The following WDR20 variants were observed in gnomAD, a reference collection of about 807,000 sequenced individuals.
The protein encoded by WDR20 is WD repeat-containing protein 20.
In WDR20, 3 loss-of-function variants were observed where a neutral mutation model predicts 38.7. The ratio of observed to expected loss-of-function variants is 0.08; its 90% CI spans 0.04 to 0.20. The LOEUF is 0.20. WDR20 is among the 10% of genes least tolerant of loss of function. The pLI is 1.00. For synonymous variants in WDR20, 298 were observed against 285.6 expected (o/e 1.04, Z -0.44); for missense variants, 559 against 727.7 (o/e 0.77, Z 2.67).
intron 1 of WDR20, among the ~76,000 whole-genome samples, chr14:102,191,917 G>T (rs1274359173): frequency 1.3e-5 from 2 of 152,128 alleles, no homozygotes; most frequent in Admixed American, 6.5e-5. Context: ...AAAATAAAAA[G>T]AATTAATAGG....
At chr14:102,179,086 G>C (rs1406280112) in intron 1 of WDR20, 3 of 152,060 alleles carry the variant, frequency 2.0e-5, no homozygotes, top group Non-Finnish European at 4.4e-5. Context: ...GAGAATGCGT[G>C]TGCCTGTGTG....
intron 1 of WDR20, among the ~76,000 whole-genome samples, chr14:102,155,937 A>ATTT (rs372247826): frequency 3.8e-5 from 5 of 133,286 alleles, no homozygotes; most frequent in East Asian, 2.2e-4. Context: ...CTAATTTTTA[A>ATTT]TTTTTTTTTT....
intron 1 of WDR20, among the ~76,000 whole-genome samples, chr14:102,172,821 GC>G (rs1165901921): frequency 6.7e-6 from 1 of 150,278 alleles, no homozygotes; most frequent in Admixed American, 6.6e-5. Context: ...AGACGGGGCG[GC>G]TGCCGGGCGG....
chr14:102,164,243 G>C (rs1394107636), intron 1 of WDR20, among the ~76,000 whole-genome samples: 1 of 152,054 alleles, frequency 6.6e-6, no homozygotes, highest in Admixed American at 6.5e-5. Flanking sequence ...GCCATATATT[G>C]ACTTCCCAGC....
chr14:102,199,013 G>A (rs187708290), intron 2 of WDR20, among the ~76,000 whole-genome samples: 65 of 152,222 alleles, frequency 4.3e-4, no homozygotes, highest in African/African-American at 1.5e-3. Flanking sequence ...TTAGATGAAA[G>A]GTTCTTTGGA....
downstream of WDR20, chr14:102,213,444 C>A: frequency 1.0e-6 from 1 of 985,416 alleles, no homozygotes; most frequent in Non-Finnish European, 1.2e-6. Flanking sequence ...TTCCTGTGAA[C>A]CCTTAGCTGG....
At chr14:102,177,717 A>G (rs1156748309) in intron 1 of WDR20, among the ~76,000 whole-genome samples, 5 of 152,170 alleles carry the variant, frequency 3.3e-5, no homozygotes, top group African/African-American at 1.2e-4. Flanking sequence ...GGTGGTCTGG[A>G]AAGTCTTCAG....
At chr14:102,178,106 AT>A in intron 1 of WDR20, among the ~76,000 whole-genome samples, 1 of 152,218 alleles carries the variant, frequency 6.6e-6, no homozygotes, top group South Asian at 2.1e-4. Context: ...TTGAATTGTT[AT>A]GTGGCTAGGT....
rs1485480511 is a variant in WDR20 at position 102,171,731 on chromosome 14, A to T, written c.250-23207A>T. 3.3e-5 allele frequency among the ~76,000 whole-genome samples: 5 copies of T among 151,762 alleles called. 1 individual carries two copies. Among genetic ancestry groups the T allele is most frequent in the African/African-American group, 1.2e-4 (5 of 41,390 alleles). ...AAAAATAACGGTGGAAATACAGCCTATTGGGGAGTATTGTGTTAAAACAAA... is the reference window on the plus strand; with the variant it reads ...AAAAATAACGGTGGAAATACAGCCTTTTGGGGAGTATTGTGTTAAAACAAA... On this transcript the variant is annotated intron_variant, in intron 1 of 2. Coordinates refer to ENST00000342702, the MANE Select transcript of WDR20 (RefSeq NM_144574.4).
rs759947707 is a variant in WDR20, at chr14:102,140,126, A to G, written c.203A>G (p.Asn68Ser). The G allele has an allele frequency of 3.7e-6, 6 of 1,614,018 alleles. No individual in the cohort carries two copies. The highest frequency in any genetic ancestry group is 2.2e-5 in the East Asian group (1 of 44,876). Residue 68 changes from asparagine (N) to serine (S), a missense_variant, in exon 1 of 3, where the codon AAT becomes AGT. Transcript: ENST00000342702. Reference protein sequence around the residue: ...QSGNGDRLCFNVGRELYFYIY... With the variant: ...QSGNGDRLCFSVGRELYFYIY... ...GGCAACGGCGACCGCCTCTGCTTCA[A>G]TGTGGGCCGGGAGCTGTACTTCTAT...
chr14:102,210,036 T>C lies in WDR20; in HGVS notation c.*156T>C. On this transcript the variant is annotated 3_prime_UTR_variant, in exon 3 of 3. Coordinates refer to ENST00000342702, the MANE Select transcript of WDR20 (RefSeq NM_144574.4). ...TTGGATACTGCATGCCATGTAATTC[T>C]GAATCATTTGATAATTTACCTTAGA... is the stretch of plus-strand genomic sequence containing the variant. 4 of 1,412,810 alleles carry C rather than the reference T, an allele frequency of 2.8e-6. No individual in the cohort carries two copies. Among genetic ancestry groups the C allele is most frequent in the Non-Finnish European group, 3.7e-6 (4 of 1,090,096 alleles). The allele number at this position is 1,412,810 out of a possible 1,614,324, so 87.5% of individuals were successfully genotyped here.
At chr14:102,218,940 G>A (rs779703914), downstream of WDR20, among the ~76,000 whole-genome samples, 1 of 152,222 alleles carries the variant, frequency 6.6e-6, no homozygotes, top group South Asian at 2.1e-4. Flanking sequence ...TCCGTCGGCC[G>A]GGCCGGGCCT....
In WDR20 at chr14:102,209,370, C is replaced by T. The variant is rs778147343; in HGVS notation, c.1200C>T (p.His400=). ...AACCCCTCTCAAGAGCAAGGACACA[C>T]ACAAATGTCATGAATGCCACGAGTC... ...PHQPLSRART[H]TNVMNATSPP... The change falls in exon 3 of 3, where the codon CAC becomes CAT. Residue 400 remains histidine (H), a synonymous_variant. Transcript: ENST00000342702. The surrounding 1 kb of genome is among the most constrained non-coding windows in gnomAD (Gnocchi z 6.0). 55 of 1,614,030 alleles carry T rather than the reference C, an allele frequency of 3.4e-5. No individual in the cohort carries two copies. Among genetic ancestry groups the T allele is most frequent in the Non-Finnish European group, 4.3e-5 (51 of 1,180,050 alleles).
intron 2 of WDR20, among the ~76,000 whole-genome samples, chr14:102,205,418 T>C (rs1447998266): frequency 6.6e-6 from 1 of 152,114 alleles, no homozygotes; most frequent in African/African-American, 2.4e-5. Context: ...ACTAGTACAG[T>C]GACTCAGGAC....
intron 1 of WDR20, among the ~76,000 whole-genome samples, chr14:102,190,270 G>A (rs116541146): frequency 1.3e-5 from 2 of 152,260 alleles, no homozygotes; most frequent in African/African-American, 4.8e-5. Flanking sequence ...CATAGGAAGT[G>A]TTGATTAGGC....
At chr14:102,141,774 C>T (rs553286691) in intron 1 of WDR20, among the ~76,000 whole-genome samples, 1 of 152,142 alleles carries the variant, frequency 6.6e-6, no homozygotes, top group South Asian at 2.1e-4. Context: ...CATTGATAAT[C>T]AGAGTGAAAG....
intron 2 of WDR20, among the ~76,000 whole-genome samples, chr14:102,205,124 C>T (rs1567046403): frequency 1.3e-5 from 2 of 152,022 alleles, no homozygotes; most frequent in Non-Finnish European, 2.9e-5. Context: ...CTGGGTGTGG[C>T]GACACTCACC....
chr14:102,145,739 C>A (rs764646006), intron 1 of WDR20, among the ~76,000 whole-genome samples: 2 of 151,732 alleles, frequency 1.3e-5, no homozygotes, highest in Non-Finnish European at 2.9e-5. Context: ...CCACTGCACT[C>A]CAGCCCGGGC....
intron 1 of WDR20, among the ~76,000 whole-genome samples, chr14:102,176,404 C>G (rs1203029514): frequency 7.1e-6 from 1 of 140,374 alleles, no homozygotes; most frequent in African/African-American, 2.7e-5. Context: ...CAAAAAAAAT[C>G]AAGTGTAAGT....
Sources: gnomAD v4.1 joint callset for allele counts (sites outside exome capture counted in the v4.1 genomes callset) on GRCh38, gnomAD v4.1.1 for gene constraint, Gnocchi (gnomAD v3.1) non-coding constraint, MANE v1.5 for transcripts, NCBI Gene and HGNC (gene_info 2026-07-23, HGNC 2026-07-21) for gene names.